Variants in COX7B2 observed in about 807,000 individuals in gnomAD.
The protein encoded by COX7B2 is cytochrome c oxidase subunit 7B2, mitochondrial.
For missense variants in COX7B2, 109 were observed against 95.9 expected, an observed-to-expected ratio of 1.14 and a Z score of -0.57; for synonymous variants, 37 against 32.1, an observed-to-expected ratio of 1.15 and a Z score of -0.51.
chr4:46,845,356 T>A (rs1417718051), intron 1 of COX7B2, among the ~76,000 whole-genome samples: 1 of 151,840 alleles, frequency 6.6e-6, no homozygotes, highest in African/African-American at 2.4e-5. Flanking sequence ...AAATGGAAGG[T>A]TCTGGCCAAG....
intron 1 of COX7B2, among the ~76,000 whole-genome samples, chr4:46,880,650 T>C (rs1375027385): frequency 1.3e-5 from 2 of 151,628 alleles, no homozygotes; most frequent in Non-Finnish European, 2.9e-5. Flanking sequence ...CTCTTCATCA[T>C]TTCTAGTTGT....
chr4:46,784,023 C>T (rs1032724034), intron 2 of COX7B2, among the ~76,000 whole-genome samples: 7 of 152,142 alleles, frequency 4.6e-5, no homozygotes, highest in African/African-American at 1.7e-4. Context: ...GTGTATATCT[C>T]ATCAAAAGCT....
intron 2 of COX7B2, among the ~76,000 whole-genome samples, chr4:46,760,526 A>AG (rs1273425297): frequency 2.0e-5 from 3 of 151,562 alleles, no homozygotes; most frequent in African/African-American, 7.3e-5. Context: ...ATGGACACGG[A>AG]GGGGCAGGGT....
chr4:46,822,023 T>C lies in COX7B2; in HGVS notation c.-50+22937A>G, dbSNP rs190009062. Among the ~76,000 whole-genome samples, 645 of 152,322 alleles carry C rather than the reference T, an allele frequency of 4.2e-3. 4 individuals are homozygous for C. Among genetic ancestry groups the C allele is most frequent in the African/African-American group, 0.015 (605 of 41,562 alleles). ...ACTTCCTGGGTTCAAGCGATTCTCC[T>C]GCCTCAGCCTCCTGAGTAGCTGGGA... On this transcript the variant is annotated intron_variant, in intron 2 of 2. Coordinates refer to ENST00000355591, the MANE Select transcript of COX7B2 (RefSeq NM_130902.3).
At chr4:46,759,839 A>C in intron 2 of COX7B2, among the ~76,000 whole-genome samples, 1 of 149,742 alleles carries the variant, frequency 6.7e-6, no homozygotes, top group East Asian at 1.9e-4. Flanking sequence ...ATCTTATATA[A>C]GTTATATAAG....
At chr4:46,880,866 A>T (rs1283357807) in intron 1 of COX7B2, among the ~76,000 whole-genome samples, 1 of 135,864 alleles carries the variant, frequency 7.4e-6, no homozygotes, top group Non-Finnish European at 1.6e-5. Flanking sequence ...GGGGGGAGGG[A>T]TAGCATTGGG....
At chr4:46,826,286 C>T (rs547104195) in intron 2 of COX7B2, among the ~76,000 whole-genome samples, 25 of 152,230 alleles carry the variant, frequency 1.6e-4, no homozygotes, top group African/African-American at 5.8e-4. Flanking sequence ...TGTTATTCAT[C>T]ATTAGAGAAA....
intron 2 of COX7B2, among the ~76,000 whole-genome samples, chr4:46,759,554 T>G (rs1716005608): frequency 6.6e-6 from 1 of 151,950 alleles, no homozygotes; most frequent in Admixed American, 6.6e-5. Context: ...CAGACGCTTC[T>G]CAAAAGAAGA....
chr4:46,807,658 G>C (rs570898750), intron 2 of COX7B2, among the ~76,000 whole-genome samples: 5 of 151,756 alleles, frequency 3.3e-5, no homozygotes, highest in Non-Finnish European at 4.4e-5. Context: ...TATTTAAGCT[G>C]CTTTTATCCA....
intron 2 of COX7B2, among the ~76,000 whole-genome samples, chr4:46,843,830 G>A (rs1716097078): frequency 6.6e-6 from 1 of 151,958 alleles, no homozygotes; most frequent in Non-Finnish European, 1.5e-5. Flanking sequence ...CACTTTGCAA[G>A]AGTGGTTTAT....
At chr4:46,792,399 G>C (rs966992924) in intron 2 of COX7B2, among the ~76,000 whole-genome samples, 18 of 152,170 alleles carry the variant, frequency 1.2e-4, no homozygotes, top group African/African-American at 4.3e-4. Flanking sequence ...ATTGAGTAAA[G>C]CACGTTGTCC....
intron 2 of COX7B2, among the ~76,000 whole-genome samples, chr4:46,760,848 T>C (rs1363345559): frequency 2.0e-5 from 3 of 152,122 alleles, no homozygotes. Flanking sequence ...AAGATAAATC[T>C]TAGTTAAGTG....
At chr4:46,790,230 A>C (rs1396453593) in intron 2 of COX7B2, among the ~76,000 whole-genome samples, 2 of 152,186 alleles carry the variant, frequency 1.3e-5, no homozygotes, top group Non-Finnish European at 2.9e-5. Flanking sequence ...AACTTACTCC[A>C]CAAATATTTA....
intron 2 of COX7B2, among the ~76,000 whole-genome samples, chr4:46,775,604 GAAT>G (rs1362223060): frequency 6.6e-6 from 1 of 152,014 alleles, no homozygotes; most frequent in Non-Finnish European, 1.5e-5. Flanking sequence ...AGAAGCGTCT[GAAT>G]AATGTCTTTT....
intron 2 of COX7B2, among the ~76,000 whole-genome samples, chr4:46,764,390 C>A (rs1000844476): frequency 6.6e-6 from 1 of 151,696 alleles, no homozygotes; most frequent in Admixed American, 6.6e-5. Flanking sequence ...ACTAAAAATA[C>A]AAAAATTAGC....
At chr4:46,735,899 G>T (rs1223183807) in intron 2 of COX7B2, among the ~76,000 whole-genome samples, 1 of 152,076 alleles carries the variant, frequency 6.6e-6, no homozygotes, top group East Asian at 1.9e-4. Flanking sequence ...CAGCGAAATT[G>T]AGCAGAAGAC....
chr4:46,754,558 G>T, intron 2 of COX7B2, among the ~76,000 whole-genome samples: 1 of 122,440 alleles, frequency 8.2e-6, no homozygotes, highest in Non-Finnish European at 1.7e-5. Context: ...GGGGGAGGGG[G>T]GAGGGATAGC....
At chr4:46,908,223 A>G (rs557266937) in intron 1 of COX7B2, among the ~76,000 whole-genome samples, 3 of 152,118 alleles carry the variant, frequency 2.0e-5, no homozygotes, top group Admixed American at 1.3e-4. Context: ...ACCACTGGCC[A>G]TCCTAGAACC....
At chr4:46,825,803 G>A (rs1238349269) in intron 2 of COX7B2, among the ~76,000 whole-genome samples, 5 of 152,060 alleles carry the variant, frequency 3.3e-5, no homozygotes, top group African/African-American at 1.2e-4. Flanking sequence ...TCAATAAATG[G>A]CGCTGGGATA....
Sources: allele counts gnomAD v4.1 joint callset (sites outside exome capture counted in the v4.1 genomes callset), GRCh38; gene constraint gnomAD v4.1.1; transcripts MANE v1.5; gene names NCBI Gene and HGNC (gene_info 2026-07-23, HGNC 2026-07-21).